The following BTBD9 variants were observed in gnomAD, a reference collection of about 807,000 sequenced individuals.
BTBD9 encodes the protein BTB domain containing 9.
In BTBD9, 49 loss-of-function variants were observed where a neutral mutation model predicts 64.3. That is an observed-to-expected ratio of 0.76 (90% CI 0.61 to 0.97). The LOEUF (loss-of-function observed/expected upper bound fraction) is 0.97, where lower values mean the gene tolerates loss of function less well. Among genes scored for constraint, BTBD9 ranks in the 50% least tolerant of loss-of-function variants. BTBD9 has a pLI of 0.00. For synonymous variants in BTBD9, 260 were observed against 274.7 expected (o/e 0.95, Z 0.53); for missense variants, 598 against 762.1 (o/e 0.78, Z 2.53).
chr6:38,258,078 C>A (rs371088037), intron 8 of BTBD9, among the ~76,000 whole-genome samples: 4 of 151,892 alleles, frequency 2.6e-5, no homozygotes, highest in South Asian at 4.2e-4. Flanking sequence ...CTCCGCCTCC[C>A]GGGTTCAAGT....
chr6:38,286,106 T>A (rs1024087935), intron 8 of BTBD9, among the ~76,000 whole-genome samples: 1 of 152,180 alleles, frequency 6.6e-6, no homozygotes, highest in Non-Finnish European at 1.5e-5. Flanking sequence ...AAGCACAAAG[T>A]AAGCTGGTCT....
chr6:38,489,114 T>C (rs1044164843), intron 6 of BTBD9, among the ~76,000 whole-genome samples: 2 of 152,172 alleles, frequency 1.3e-5, no homozygotes, highest in African/African-American at 4.8e-5. Flanking sequence ...CAGGCTGGTC[T>C]TGAATTCCTG....
chr6:38,533,094 GAA>G (rs1307779029), intron 6 of BTBD9, among the ~76,000 whole-genome samples: 2 of 151,626 alleles, frequency 1.3e-5, no homozygotes, highest in African/African-American at 4.8e-5. Flanking sequence ...AAAAGACAAA[GAA>G]TGGTTGAATG....
intron 9 of BTBD9, among the ~76,000 whole-genome samples, chr6:38,198,672 C>G (rs904084477): frequency 7.2e-5 from 11 of 152,150 alleles, no homozygotes; most frequent in Non-Finnish European, 1.6e-4. Flanking sequence ...ACTGGGGAGA[C>G]AGAGACAGGA....
At chr6:38,627,042 A>G (rs1349168823) in intron 1 of BTBD9, among the ~76,000 whole-genome samples, 2 of 152,246 alleles carry the variant, frequency 1.3e-5, no homozygotes, top group Non-Finnish European at 2.9e-5. Context: ...ACAGACCAGT[A>G]AAGAGAGCAA....
At position 38,610,945 on chromosome 6, in the gene BTBD9, C is replaced by T. The variant is rs1054439224; in HGVS notation, c.-27-12824G>A. Among the ~76,000 whole-genome samples, 37 of 151,890 alleles carry T rather than the reference C, an allele frequency of 2.4e-4. No individual in the cohort carries two copies. The East Asian group carries it at 4.8e-3, about 20-fold the overall frequency. ...GGGGGGGACTAAACGTCCATCAATA[C>T]GGTGAATGGAAAATATATTACAGTG... On this transcript the variant is annotated intron_variant, in intron 1 of 10. Transcript: ENST00000481247.
chr6:38,333,976 C>T (rs575392170), intron 7 of BTBD9, among the ~76,000 whole-genome samples: 7 of 152,220 alleles, frequency 4.6e-5, no homozygotes, highest in African/African-American at 1.7e-4. Flanking sequence ...ATTGTTGTGA[C>T]CAAAATGCTG....
At chr6:38,353,882 C>T (rs909191988) in intron 6 of BTBD9, among the ~76,000 whole-genome samples, 4 of 152,124 alleles carry the variant, frequency 2.6e-5, no homozygotes, top group Non-Finnish European at 5.9e-5. Context: ...TGTAACATGC[C>T]TGCTACTTAG....
chr6:38,426,645 T>C (rs910634463), intron 6 of BTBD9, among the ~76,000 whole-genome samples: 3 of 151,934 alleles, frequency 2.0e-5, no homozygotes, highest in African/African-American at 7.3e-5. Flanking sequence ...CCGATTGGGC[T>C]AAAGGCTTGC....
chr6:38,584,728 G>C (rs12525759), intron 4 of BTBD9, among the ~76,000 whole-genome samples: 14,007 of 152,106 alleles, frequency 0.092, 726 homozygotes, highest in East Asian at 0.28. Flanking sequence ...CCTAGAAAAT[G>C]TATGGATGCT....
chr6:38,180,960 A>G (rs1429109763), intron 10 of BTBD9, among the ~76,000 whole-genome samples: 3 of 152,166 alleles, frequency 2.0e-5, no homozygotes, highest in African/African-American at 7.2e-5. Context: ...GCCATAATTC[A>G]CCACATACTG....
intron 8 of BTBD9, among the ~76,000 whole-genome samples, chr6:38,257,994 T>C (rs1050140646): frequency 1.3e-5 from 2 of 151,842 alleles, no homozygotes; most frequent in Non-Finnish European, 2.9e-5. Context: ...TATATGTATA[T>C]ATATATTTTG....
intron 4 of BTBD9, chr6:38,588,374 C>T (rs1352527400): frequency 2.3e-6 from 2 of 854,116 alleles, no homozygotes; most frequent in Non-Finnish European, 4.0e-6. Context: ...GCCTCTCAAC[C>T]TAGAATGGCT....
chr6:38,510,642 G>A lies in BTBD9; in HGVS notation c.1154+66958C>T, dbSNP rs141154523. 8.5e-5 allele frequency among the ~76,000 whole-genome samples: 13 copies of A among 152,218 alleles called. No homozygotes were observed. In the South Asian group the frequency reaches 1.2e-3, roughly 15 times the overall value. ...TAGCTTAAAACACAAACATTGTATA[G>A]CTGTACAAAAATATTACCTTTATAT... On this transcript the variant is annotated intron_variant, in intron 6 of 10. Transcript: ENST00000481247.
At chr6:38,556,528 T>TGTGC (rs1775022518) in intron 6 of BTBD9, among the ~76,000 whole-genome samples, 1 of 49,706 alleles carries the variant, frequency 2.0e-5, no homozygotes, top group South Asian at 7.2e-4. Context: ...TGTGTGTGTG[T>TGTGC]GTGTGTGTGT....
intron 7 of BTBD9, among the ~76,000 whole-genome samples, chr6:38,326,632 A>G (rs1051718333): frequency 6.6e-6 from 1 of 152,132 alleles, no homozygotes; most frequent in African/African-American, 2.4e-5. Flanking sequence ...TTCTATAATT[A>G]GAAAATCTCT....
rs61130803 is a variant in BTBD9 at position 38,431,283 on chromosome 6, T to C, written c.1155-86190A>G. 2.0e-3 allele frequency among the ~76,000 whole-genome samples: 303 copies of C among 150,892 alleles called. 6 individuals carry two copies. Among genetic ancestry groups the C allele is most frequent in the African/African-American group, 6.9e-3 (278 of 40,204 alleles). ...ACACTAATATTATGATTATGGGTAATAGTAATAATATTAACAGTAGCAGCA... is the reference window on the plus strand; with the variant it reads ...ACACTAATATTATGATTATGGGTAACAGTAATAATATTAACAGTAGCAGCA... On this transcript the variant is annotated intron_variant, in intron 6 of 10. Coordinates refer to ENST00000481247, the MANE Select transcript of BTBD9 (RefSeq NM_001099272.2).
chr6:38,321,546 TGGATCTTTGAAA>T (rs1479311213), intron 7 of BTBD9, among the ~76,000 whole-genome samples: 1 of 152,204 alleles, frequency 6.6e-6, no homozygotes. Flanking sequence ...CTTAACATGC[TGGATCTTTGAAA>T]GGCTGTGTGA....
chr6:38,224,581 A>G (rs1266662910), intron 9 of BTBD9, among the ~76,000 whole-genome samples: 1 of 152,244 alleles, frequency 6.6e-6, no homozygotes, highest in Non-Finnish European at 1.5e-5. Flanking sequence ...ATCAACTGAA[A>G]GGTCTGAACA....
Sources: allele counts gnomAD v4.1 joint callset (sites outside exome capture counted in the v4.1 genomes callset), GRCh38; gene constraint gnomAD v4.1.1; transcripts MANE v1.5; gene names NCBI Gene and HGNC (gene_info 2026-07-23, HGNC 2026-07-21).